The following GPD2 variants were observed in gnomAD, a reference collection of about 807,000 sequenced individuals.
GPD2 encodes the protein glycerol-3-phosphate dehydrogenase 2, also known as glycerol-3-phosphate dehydrogenase, mitochondrial.
GPD2 carries 54 observed loss-of-function variants against 82.4 expected under a neutral mutation model. The ratio of observed to expected loss-of-function variants is 0.66; its 90% CI spans 0.53 to 0.82. GPD2 has a LOEUF of 0.82. Ranked by LOEUF, GPD2 falls within the 40% of genes least tolerant of loss-of-function variation. The pLI, the probability that GPD2 is intolerant of heterozygous loss-of-function variation, is 0.00. For missense variants in GPD2, 748 were observed against 896.2 expected (o/e 0.83, Z 2.11); for synonymous variants, 288 against 306.1 (o/e 0.94, Z 0.62).
intron 2 of GPD2, among the ~76,000 whole-genome samples, chr2:156,480,697 G>T (rs1683694284): frequency 2.0e-5 from 3 of 151,478 alleles, no homozygotes; most frequent in Non-Finnish European, 4.4e-5. Context: ...AAGCCCGGAT[G>T]TGAAAATTTT....
chr2:156,410,664 T>G, the GPD2 span, among the ~76,000 whole-genome samples: 1 of 152,228 alleles, frequency 6.6e-6, no homozygotes, highest in Non-Finnish European at 1.5e-5. Context: ...AGGTTTAACT[T>G]TGGTTGAACC....
chr2:156,461,895 T>C (rs1683002228), intron 1 of GPD2, among the ~76,000 whole-genome samples: 1 of 152,202 alleles, frequency 6.6e-6, no homozygotes, highest in Non-Finnish European at 1.5e-5. Context: ...CCAATGCTCC[T>C]CCTCCTGTCT....
At chr2:156,573,869 C>T (rs1687724219) in intron 13 of GPD2, among the ~76,000 whole-genome samples, 1 of 152,088 alleles carries the variant, frequency 6.6e-6, no homozygotes, top group Admixed American at 6.6e-5. Context: ...GATTATTTAA[C>T]CTGCAAAAGT....
the GPD2 span, among the ~76,000 whole-genome samples, chr2:156,415,409 C>T: frequency 6.6e-6 from 1 of 151,960 alleles, no homozygotes; most frequent in African/African-American, 2.4e-5. Context: ...CCACCCGCCT[C>T]GGCCTTCCAA....
the GPD2 span, among the ~76,000 whole-genome samples, chr2:156,401,148 G>A: frequency 6.6e-6 from 1 of 152,128 alleles, no homozygotes; most frequent in Non-Finnish European, 1.5e-5. Flanking sequence ...GTCAAAACTT[G>A]CATTGGCCGG....
chr2:156,529,741 A>G (rs1444015800), intron 6 of GPD2, among the ~76,000 whole-genome samples: 3 of 150,946 alleles, frequency 2.0e-5, no homozygotes, highest in African/African-American at 7.3e-5. Context: ...CAAAGATCAG[A>G]TAGTTGTAGA....
At chr2:156,553,322 T>G (rs1686836067) in intron 8 of GPD2, among the ~76,000 whole-genome samples, 1 of 152,188 alleles carries the variant, frequency 6.6e-6, no homozygotes, top group African/African-American at 2.4e-5. Flanking sequence ...CAGTAAATAT[T>G]TTTTGAATGA....
At chr2:156,458,004 T>A (rs1682845981) in intron 1 of GPD2, among the ~76,000 whole-genome samples, 1 of 152,244 alleles carries the variant, frequency 6.6e-6, no homozygotes, top group South Asian at 2.1e-4. Flanking sequence ...GGGCTGTCTG[T>A]GTCTTCTGTC....
intron 6 of GPD2, among the ~76,000 whole-genome samples, chr2:156,515,557 C>G (rs1242047923): frequency 2.6e-5 from 4 of 152,014 alleles, no homozygotes; most frequent in Non-Finnish European, 5.9e-5. Flanking sequence ...TTACACAAGG[C>G]AGAAGAAAGA....
chr2:156,582,263 T>G lies in GPD2; in HGVS notation c.2059-530T>G, dbSNP rs184497404. ...TAAAATCTGGGCTGTAGAGTGCTTT[T>G]AATTCTTAAGGTAGATCTCTGGGTC... On this transcript the variant is annotated intron_variant, in intron 16 of 16. Transcript: ENST00000438166. Among the ~76,000 whole-genome samples, 82 of 152,220 alleles carry G rather than the reference T, an allele frequency of 5.4e-4. 1 individual carries two copies. The East Asian group carries it at 0.012, about 22-fold the overall frequency.
intron 2 of GPD2, among the ~76,000 whole-genome samples, chr2:156,479,271 T>C (rs1178390063): frequency 6.6e-6 from 1 of 152,236 alleles, no homozygotes; most frequent in African/African-American, 2.4e-5. Context: ...AGATGTGGTT[T>C]CACTTACCTT....
the GPD2 span, among the ~76,000 whole-genome samples, chr2:156,400,367 CA>C: frequency 1.3e-5 from 2 of 152,256 alleles, no homozygotes; most frequent in Non-Finnish European, 2.9e-5. Flanking sequence ...TTCTACCCGG[CA>C]GCAAAGCCAG....
chr2:156,490,678 A>T (rs1395595689), intron 2 of GPD2, among the ~76,000 whole-genome samples: 2 of 152,152 alleles, frequency 1.3e-5, no homozygotes, highest in Non-Finnish European at 2.9e-5. Context: ...GGCTAAGTTC[A>T]GTTTTCAGCT....
intron 3 of GPD2, among the ~76,000 whole-genome samples, chr2:156,505,080 A>G (rs547892157): frequency 6.6e-6 from 1 of 152,268 alleles, no homozygotes; most frequent in South Asian, 2.1e-4. Context: ...TAAATGTCGT[A>G]CCATTTTTCC....
At chr2:156,469,847 T>G (rs766666993) in intron 1 of GPD2, among the ~76,000 whole-genome samples, 1 of 152,178 alleles carries the variant, frequency 6.6e-6, no homozygotes, top group South Asian at 2.1e-4. Context: ...GAGGTTTCTA[T>G]ATAAGAAACC....
chr2:156,569,598 C>G, intron 11 of GPD2, 60 bp downstream of exon 11: 3 of 1,203,142 alleles, frequency 2.5e-6, no homozygotes, highest in Non-Finnish European at 3.7e-6. Flanking sequence ...CTGCCAGTGA[C>G]AGAACTGGCA....
chr2:156,471,607 C>T (rs563701929), intron 1 of GPD2, among the ~76,000 whole-genome samples: 9 of 152,178 alleles, frequency 5.9e-5, no homozygotes, highest in East Asian at 1.9e-4. Flanking sequence ...TTCTCTATAA[C>T]GTTCCCTACT....
At chr2:156,492,387 A>G (rs929096791) in intron 2 of GPD2, among the ~76,000 whole-genome samples, 2 of 149,854 alleles carry the variant, frequency 1.3e-5, no homozygotes, top group African/African-American at 4.9e-5. Flanking sequence ...TCCTGACCTC[A>G]GGTGATCCTC....
the GPD2 span, among the ~76,000 whole-genome samples, chr2:156,418,178 G>C: frequency 2.6e-5 from 4 of 151,820 alleles, no homozygotes; most frequent in African/African-American, 9.7e-5. Context: ...TTGAGCCACT[G>C]CACTCTAGCC....
Sources: allele counts gnomAD v4.1 joint callset (sites outside exome capture counted in the v4.1 genomes callset), GRCh38; gene constraint gnomAD v4.1.1; transcripts MANE v1.5; gene names NCBI Gene and HGNC (gene_info 2026-07-23, HGNC 2026-07-21).